The following MS4A6A variants were observed in gnomAD, a reference collection of about 807,000 sequenced individuals.
MS4A6A encodes the protein membrane-spanning 4-domains subfamily A member 6A.
MS4A6A carries 19 observed loss-of-function variants against 20.6 expected under a neutral mutation model. That is an observed-to-expected ratio of 0.92 (90% CI 0.64 to 1.36). The LOEUF (loss-of-function observed/expected upper bound fraction) is 1.36. Ranked by LOEUF, MS4A6A falls within the 40% of genes most tolerant of loss-of-function variation. The pLI, the probability that MS4A6A is intolerant of heterozygous loss-of-function variation, is 0.00. For synonymous variants in MS4A6A, 108 were observed against 105.0 expected (o/e 1.03, Z -0.17); for missense variants, 272 against 261.1 (o/e 1.04, Z -0.29).
chr11:60,178,265 G>C lies in MS4A6A; in HGVS notation c.334C>G (p.Leu112Val), dbSNP rs778777907. 5 of 1,612,552 alleles carry C rather than the reference G, an allele frequency of 3.1e-6. No homozygotes were observed. Among genetic ancestry groups the C allele is most frequent in the Non-Finnish European group, 4.2e-6 (5 of 1,178,726 alleles). ...GTTATAGCTCTCTTACTCACCAAAA[G>C]CTTGGTTAACCTTTTCTCTGTGGCG... ...SIATEKRLTK[L>V]LVHSSLVGSI... Residue 112 changes from leucine (L) to valine (V), a missense_variant, in exon 4 of 6, where the codon CTT becomes GTT. Coordinates refer to ENST00000528851, the MANE Select transcript of MS4A6A (RefSeq NM_022349.4).
chr11:60,176,395 C>T (rs190179411), intron 4 of MS4A6A, among the ~76,000 whole-genome samples: 75 of 152,288 alleles, frequency 4.9e-4, no homozygotes, highest in African/African-American at 1.7e-3. Context: ...TAATCAGTTC[C>T]TTGATTTTAT....
downstream of MS4A6A, chr11:60,172,420 T>C (rs894967343): frequency 2.2e-6 from 3 of 1,359,494 alleles, no homozygotes; most frequent in Admixed American, 3.2e-5. Context: ...CTAGTATTCA[T>C]TCTACACTCT....
chr11:60,179,490 C>CTTT, intron 3 of MS4A6A: 11 of 479,250 alleles, frequency 2.3e-5, no homozygotes, highest in South Asian at 8.1e-5. Flanking sequence ...CATTTATGCT[C>CTTT]TTTTTTTTTT....
intron 2 of MS4A6A, 182 bp downstream of exon 2, chr11:60,181,399 T>A (rs1009459733): frequency 1.6e-6 from 1 of 640,194 alleles, no homozygotes; most frequent in Non-Finnish European, 2.7e-6. Context: ...GAAAATATAT[T>A]TTTAAGACAA....
rs1453513108 is a variant in MS4A6A at position 60,175,491 on chromosome 11, T to C, written c.460A>G (p.Asn154Asp). 1 of 1,614,140 alleles carries C rather than the reference T, an allele frequency of 6.2e-7. No individual in the cohort carries two copies. Among genetic ancestry groups the C allele is most frequent in the Admixed American group, 1.7e-5 (1 of 60,024 alleles). Residue 154 changes from asparagine (N) to aspartate (D), a missense_variant, in exon 5 of 6, where the codon AAT becomes GAT. Physicochemically the swap from Asn to Asp is conservative, Grantham distance 23. Transcript: ENST00000528851. ...PASLQCELDKNNIPTRSYVSY... is the reference protein window; with the variant it reads ...PASLQCELDKDNIPTRSYVSY... ...ACATAACTTCTTGTTGGTATATTAT[T>C]TTTGTCCAACTCACACTGCAGTGAG...
At position 60,172,541 on chromosome 11, in the gene MS4A6A, C is replaced by T. The variant is rs190754543; in HGVS notation, c.*460G>A. The T allele has an allele frequency of 5.5e-4, 620 of 1,132,484 alleles. 5 individuals carry two copies. In the South Asian group the frequency reaches 0.014, roughly 25 times the overall value. 70.2% of individuals were successfully genotyped at this position (1,132,484 alleles called of 1,614,324 possible). A position where few individuals can be genotyped will look rare whatever the true frequency, so the allele number is the denominator to read the frequency against. ...TTTAATATAGCTTTAAAAAGGCAAA[C>T]GAATTTTAAGATCACCAGGGGCAAA... On this transcript the variant is annotated 3_prime_UTR_variant, in exon 6 of 6. Transcript: ENST00000528851.
At chr11:60,172,368 G>C, downstream of MS4A6A, 2 of 1,473,772 alleles carry the variant, frequency 1.4e-6, no homozygotes, top group Admixed American at 2.3e-5. Flanking sequence ...AAGATAAGTA[G>C]AGCATATCAC....
rs1187256944 is a variant in MS4A6A at position 60,175,620 on chromosome 11, G to A, written c.340-9C>T. 2.5e-6 allele frequency: 4 copies of A among 1,612,164 alleles called. No individual in the cohort carries two copies. The highest frequency in any genetic ancestry group is 4.5e-5 in the East Asian group (2 of 44,872). ...ACCAGGCTGCTATGCACCTGAAAGA[G>A]AAATGTTGGGTAAGGATCATTGCTA... is the stretch of plus-strand genomic sequence containing the variant. On this transcript the variant is annotated splice_polypyrimidine_tract_variant and intron_variant, in intron 4 of 5. Coordinates refer to ENST00000528851, the MANE Select transcript of MS4A6A (RefSeq NM_022349.4).
intron 1 of MS4A6A, chr11:60,182,740 ACAAGAGCTCTGCTC>A (rs2083809988): frequency 1.3e-5 from 2 of 156,790 alleles, no homozygotes; most frequent in Non-Finnish European, 2.8e-5. Context: ...ATTTGAAGAG[ACAAGAGCTCTGCTC>A]CCATTAATTA....
At chr11:60,178,777 T>A (rs1167216155) in intron 3 of MS4A6A, 5 of 436,318 alleles carry the variant, frequency 1.1e-5, no homozygotes, top group African/African-American at 2.0e-5. Flanking sequence ...TACGACTTGA[T>A]GAAAATGGTG....
intron 5 of MS4A6A, 139 bp downstream of exon 5, chr11:60,175,263 C>T (rs1856773082): frequency 1.5e-6 from 1 of 646,000 alleles, no homozygotes; most frequent in Non-Finnish European, 2.6e-6. Context: ...CTGTAGTCCC[C>T]TTTGATTTAC....
intron 4 of MS4A6A, among the ~76,000 whole-genome samples, chr11:60,175,878 C>T (rs926793506): frequency 2.0e-5 from 3 of 152,088 alleles, no homozygotes; most frequent in Non-Finnish European, 4.4e-5. Context: ...TAAATTCTTT[C>T]CCCAGGACAG....
upstream of MS4A6A, chr11:60,183,419 C>A (rs1020165426): frequency 1.6e-5 from 8 of 493,410 alleles, no homozygotes; most frequent in Non-Finnish European, 2.2e-5. Context: ...TGCTTTGAAG[C>A]TTTCAATAAC....
rs780692392 is a variant in MS4A6A at position 60,175,600 on chromosome 11, G to A, written c.351C>T (p.Ser117=). 6.2e-7 allele frequency: 1 copy of A among 1,613,308 alleles called. No individual in the cohort carries two copies. Among genetic ancestry groups the A allele is most frequent in the South Asian group, 1.1e-5 (1 of 91,048 alleles). ...KRLTKLLVHS[S]LVGSILSALS... ...GAGCACTCAGAATGCTTCCAACCAG[G>A]CTGCTATGCACCTGAAAGAGAAATG... Residue 117 remains serine, a synonymous_variant, in exon 5 of 6, where the codon AGC becomes AGT. Coordinates refer to ENST00000528851, the MANE Select transcript of MS4A6A (RefSeq NM_022349.4).
Position 60,179,970 on chromosome 11 carries a change from G to T in MS4A6A, c.148-5C>A, listed in dbSNP as rs200749132. 7 of 1,611,420 alleles carry T rather than the reference G, an allele frequency of 4.3e-6. No homozygotes were observed. The highest frequency in any genetic ancestry group is 3.3e-5 in the South Asian group (3 of 90,694). On this transcript the variant is annotated splice_polypyrimidine_tract_variant and splice_region_variant and intron_variant, in intron 2 of 5. Transcript: ENST00000528851. ...GCCACACAAGATCTGGATAGTCTGT[G>T]GGAAGAGAAAGTGAGATTGAGGATG... is the stretch of plus-strand genomic sequence containing the variant.
At chr11:60,172,030 G>T (rs540031377), downstream of MS4A6A, 272 of 886,326 alleles carry the variant, frequency 3.1e-4, no homozygotes, top group Admixed American at 1.5e-3. Flanking sequence ...TGAAATAATG[G>T]TTTTTTTTAA....
At chr11:60,177,807 T>C (rs1856923837) in intron 4 of MS4A6A, among the ~76,000 whole-genome samples, 1 of 152,122 alleles carries the variant, frequency 6.6e-6, no homozygotes. Flanking sequence ...TGTAGTAGCC[T>C]CTGTGTCTAC....
chr11:60,175,056 GCT>G (rs1003789610), intron 5 of MS4A6A, among the ~76,000 whole-genome samples: 2 of 151,982 alleles, frequency 1.3e-5, no homozygotes, highest in African/African-American at 4.8e-5. Flanking sequence ...GGGTCTTTCT[GCT>G]CTGTTTCCAT....
chr11:60,183,788 G>T (rs2083849771), upstream of MS4A6A: 1 of 152,394 alleles, frequency 6.6e-6, no homozygotes, highest in African/African-American at 2.4e-5. Flanking sequence ...CTCCAGAAAG[G>T]TTGGGCCCCT....
Sources: allele counts gnomAD v4.1 joint callset (sites outside exome capture counted in the v4.1 genomes callset), GRCh38; gene constraint gnomAD v4.1.1; transcripts MANE v1.5; gene names NCBI Gene and HGNC (gene_info 2026-07-23, HGNC 2026-07-21).